The following IGF1 variants were observed in gnomAD, a reference collection of about 807,000 sequenced individuals.
IGF1 encodes the protein insulin like growth factor 1.
Under a neutral mutation model 13.8 loss-of-function variants are expected in IGF1, and 4 were observed. The ratio of observed to expected loss-of-function variants is 0.29; its 90% CI spans 0.14 to 0.66. The LOEUF (loss-of-function observed/expected upper bound fraction) is 0.66, where lower values mean the gene tolerates loss of function less well. Ranked by LOEUF, IGF1 falls within the 30% of genes least tolerant of loss-of-function variation. The pLI, the probability that IGF1 is intolerant of heterozygous loss-of-function variation, is 0.78. For synonymous variants in IGF1, 76 were observed against 72.6 expected, an observed-to-expected ratio of 1.05 and a Z score of -0.23; for missense variants, 124 against 188.5, an observed-to-expected ratio of 0.66 and a Z score of 2.00.
chr12:102,478,624 T>C, intron 1 of IGF1: 1 of 1,527,656 alleles, frequency 6.5e-7, no homozygotes, highest in Non-Finnish European at 8.8e-7. Flanking sequence ...AAGCATCTAG[T>C]TACATTTGGA....
intron 2 of IGF1, among the ~76,000 whole-genome samples, chr12:102,437,556 G>A (rs1178274344): frequency 6.6e-6 from 1 of 152,158 alleles, no homozygotes; most frequent in Non-Finnish European, 1.5e-5. Context: ...ACTTGTATAT[G>A]GAATCTAAAT....
intron 2 of IGF1, among the ~76,000 whole-genome samples, chr12:102,470,585 C>T (rs1291501303): frequency 6.6e-6 from 1 of 152,110 alleles, no homozygotes; most frequent in Non-Finnish European, 1.5e-5. Context: ...AGGTCAAACC[C>T]CACATGTACC....
chr12:102,421,324 C>T (rs1592755364), intron 2 of IGF1, among the ~76,000 whole-genome samples: 1 of 152,208 alleles, frequency 6.6e-6, no homozygotes, highest in South Asian at 2.1e-4. Context: ...CATGTCTCAG[C>T]GGGTCCCCTG....
intron 2 of IGF1, among the ~76,000 whole-genome samples, chr12:102,434,145 T>C (rs1332250611): frequency 1.4e-5 from 2 of 146,938 alleles, no homozygotes; most frequent in African/African-American, 4.9e-5. Context: ...TACAGTCATC[T>C]CTTTTTTTTT....
chr12:102,441,957 T>TCCTCTTCCTCTTCCTCTTCC (rs71438463), intron 2 of IGF1, among the ~76,000 whole-genome samples: 1 of 134,678 alleles, frequency 7.4e-6, no homozygotes, highest in Non-Finnish European at 1.6e-5. Context: ...TTCTTCTTCT[T>TCCTCTTCCTCTTCCTCTTCC]TTTTTTTTTT....
intron 2 of IGF1, among the ~76,000 whole-genome samples, chr12:102,468,336 A>G (rs1184865375): frequency 6.6e-6 from 1 of 152,240 alleles, no homozygotes; most frequent in Non-Finnish European, 1.5e-5. Flanking sequence ...GCCACATGCA[A>G]AGGTTCTGGC....
intron 2 of IGF1, among the ~76,000 whole-genome samples, chr12:102,443,316 C>T (rs140154268): frequency 1.5e-4 from 23 of 152,174 alleles, no homozygotes; most frequent in Non-Finnish European, 3.1e-4. Context: ...TAAAAGACAA[C>T]CAAAATGCAT....
chr12:102,445,731 T>A (rs1223693164), intron 2 of IGF1, among the ~76,000 whole-genome samples: 5 of 152,206 alleles, frequency 3.3e-5, no homozygotes, highest in Non-Finnish European at 5.9e-5. Context: ...TATTTCTTTC[T>A]CTTTCCTGAT....
chr12:102,441,942 T>TCTCCTTCTCCTTCTCCTTCTC (rs767868929), intron 2 of IGF1, among the ~76,000 whole-genome samples: 1 of 139,472 alleles, frequency 7.2e-6, no homozygotes, highest in Admixed American at 7.9e-5. Flanking sequence ...TTCTTCTTCT[T>TCTCCTTCTCCTTCTCCTTCTC]CTTCTTCTTC....
chr12:102,422,293 C>A (rs1875799471), intron 2 of IGF1, among the ~76,000 whole-genome samples: 1 of 152,096 alleles, frequency 6.6e-6, no homozygotes, highest in Non-Finnish European at 1.5e-5. Context: ...AATATAATTA[C>A]CAATTATCTC....
At chr12:102,436,948 G>A (rs758805564) in intron 2 of IGF1, among the ~76,000 whole-genome samples, 5 of 152,170 alleles carry the variant, frequency 3.3e-5, no homozygotes, top group Non-Finnish European at 5.9e-5. Context: ...GGGAGCACTG[G>A]GAGGGAAGGC....
At chr12:102,457,573 C>T (rs1879524490) in intron 2 of IGF1, among the ~76,000 whole-genome samples, 1 of 152,160 alleles carries the variant, frequency 6.6e-6, no homozygotes, top group Admixed American at 6.5e-5. Flanking sequence ...CCCAGGCAGA[C>T]AGAGAGTACA....
chr12:102,476,610 G>T (rs1348565634), intron 1 of IGF1, among the ~76,000 whole-genome samples: 1 of 152,184 alleles, frequency 6.6e-6, no homozygotes, highest in African/African-American at 2.4e-5. Context: ...ATCAACACGT[G>T]TTGAGAATCC....
At position 102,480,479 on chromosome 12, in the gene IGF1, A is replaced by G. The variant is rs1019236292; in HGVS notation, c.-98T>C. Reference sequence around the variant, plus strand: ...TGGGAGATGTTGAGAGCAATGTCACATTTCAATTTTGAGGACTTTATTCCA... The same window carrying G: ...TGGGAGATGTTGAGAGCAATGTCACGTTTCAATTTTGAGGACTTTATTCCA... On this transcript the variant is annotated 5_prime_UTR_variant, in exon 1 of 4. An upstream start codon of the reference 5' UTR is lost. Coordinates refer to ENST00000337514, the MANE Select transcript of IGF1 (RefSeq NM_000618.5). 1.3e-6 allele frequency: 2 copies of G among 1,590,580 alleles called. No homozygotes were observed. The highest frequency in any genetic ancestry group is 1.7e-6 in the Non-Finnish European group (2 of 1,168,900).
intron 2 of IGF1, among the ~76,000 whole-genome samples, chr12:102,451,526 G>A (rs1259662191): frequency 6.6e-6 from 1 of 152,160 alleles, no homozygotes; most frequent in Admixed American, 6.5e-5. Flanking sequence ...AATGCATGCT[G>A]TAGATGATGA....
intron 1 of IGF1, 23 bp from the exon 2 acceptor site, chr12:102,475,822 G>T (rs5742620): frequency 0.029 from 46,234 of 1,602,894 alleles, 759 homozygotes; most frequent in African/African-American, 0.039. Flanking sequence ...CAGAGGGAGG[G>T]TCAGGTTTCC....
intron 1 of IGF1, chr12:102,478,682 C>A: frequency 7.5e-7 from 1 of 1,337,942 alleles, no homozygotes; most frequent in South Asian, 2.3e-5. Context: ...TGCCTTTTGT[C>A]CATTGAAACA....
chr12:102,472,866 G>A (rs1370753978), intron 2 of IGF1, among the ~76,000 whole-genome samples: 1 of 149,716 alleles, frequency 6.7e-6, no homozygotes, highest in Non-Finnish European at 1.5e-5. Flanking sequence ...GTCATTGTTA[G>A]TATATATTTT....
At chr12:102,466,375 T>A (rs560547276) in intron 2 of IGF1, among the ~76,000 whole-genome samples, 1 of 152,282 alleles carries the variant, frequency 6.6e-6, no homozygotes, top group African/African-American at 2.4e-5. Flanking sequence ...CCCCCAGGGG[T>A]ACATTTGGCA....
Sources: gnomAD v4.1 joint callset for allele counts (sites outside exome capture counted in the v4.1 genomes callset) on GRCh38, gnomAD v4.1.1 for gene constraint, MANE v1.5 for transcripts, NCBI Gene and HGNC (gene_info 2026-07-23, HGNC 2026-07-21) for gene names.